Variants in PACSIN1 observed in about 807,000 individuals in gnomAD.
PACSIN1 encodes protein kinase C and casein kinase substrate in neurons 1.
Under a neutral mutation model 59.5 loss-of-function variants are expected in PACSIN1, and 15 were observed. The observed-to-expected ratio is 0.25, with a 90% CI of 0.17 to 0.39. The LOEUF is 0.39. Ranked by LOEUF, PACSIN1 falls within the 10% of genes least tolerant of loss-of-function variation. The probability of loss-of-function intolerance (pLI) is 1.00; values close to 1 mark genes in which losing one functional copy is unlikely to be tolerated. For missense variants in PACSIN1, 420 were observed against 580.2 expected (o/e 0.72, Z 2.84); for synonymous variants, 210 against 220.6 (o/e 0.95, Z 0.42).
At chr6:34,482,055 C>G (rs1766726870) in intron 1 of PACSIN1, among the ~76,000 whole-genome samples, 6 of 152,092 alleles carry the variant, frequency 3.9e-5, no homozygotes, top group Admixed American at 3.9e-4. Context: ...CCTTTTGTGA[C>G]TGGCTTCTTT....
At chr6:34,499,898 G>A (rs964312955) in intron 1 of PACSIN1, among the ~76,000 whole-genome samples, 1 of 151,850 alleles carries the variant, frequency 6.6e-6, no homozygotes, top group Non-Finnish European at 1.5e-5. Flanking sequence ...GCAACAAAAG[G>A]AAAAAAATAA....
rs779955809 is a variant in PACSIN1, at chr6:34,529,855, G to T, written c.788+14G>T. On this transcript the variant is annotated intron_variant, in intron 6 of 9. Coordinates refer to ENST00000244458, the MANE Select transcript of PACSIN1 (RefSeq NM_020804.5). This position sits in a 1 kb window ranked among gnomAD's most constrained non-coding sequence, Gnocchi z 6.3. ...TGAGAACAGCAGGTACCTGGGCATG[G>T]CAGGCACCGAGGGCACAGGCACAGC... 4 of 1,610,640 alleles carry T rather than the reference G, an allele frequency of 2.5e-6. No individual in the cohort carries two copies. In the East Asian group the frequency reaches 8.9e-5, roughly 36 times the overall value.
intron 1 of PACSIN1, among the ~76,000 whole-genome samples, chr6:34,501,269 C>T (rs936685841): frequency 5.9e-5 from 9 of 152,166 alleles, no homozygotes; most frequent in East Asian, 3.8e-4. Flanking sequence ...AATTACTTAG[C>T]GTGTATAGTT....
At chr6:34,517,971 G>A (rs1163748343) in intron 1 of PACSIN1, among the ~76,000 whole-genome samples, 1 of 152,230 alleles carries the variant, frequency 6.6e-6, no homozygotes, top group Non-Finnish European at 1.5e-5. Context: ...CTCAGCATCT[G>A]TGCTGTCGTG....
At chr6:34,477,088 A>G (rs1011230084) in intron 1 of PACSIN1, among the ~76,000 whole-genome samples, 8 of 152,210 alleles carry the variant, frequency 5.3e-5, no homozygotes, top group African/African-American at 1.9e-4. Context: ...ACTCTGTTCC[A>G]AACCTCAGCC....
intron 1 of PACSIN1, among the ~76,000 whole-genome samples, chr6:34,494,593 C>A (rs1258294667): frequency 4.0e-5 from 6 of 151,184 alleles, no homozygotes; most frequent in Non-Finnish European, 7.4e-5. Flanking sequence ...CAGTTGTGCA[C>A]CCCCCATGCC....
In PACSIN1 at chr6:34,522,032, G is replaced by T. The variant is rs146261699; in HGVS notation, c.-63-4211G>T. ...GCGCGATCTTGGCTTACCTCTCTGA[G>T]TCTTGGTCTCCGCAAGAAGAAAAAG... On this transcript the variant is annotated intron_variant, in intron 1 of 9. Transcript: ENST00000244458. Among the ~76,000 whole-genome samples, 334 of 152,318 alleles carry T rather than the reference G, an allele frequency of 2.2e-3. 1 individual carries two copies. The highest frequency in any genetic ancestry group is 0.01 in the Middle Eastern group (3 of 294).
At chr6:34,528,338 C>G (rs1025897423) in intron 3 of PACSIN1, among the ~76,000 whole-genome samples, 1 of 152,238 alleles carries the variant, frequency 6.6e-6, no homozygotes, top group African/African-American at 2.4e-5. Flanking sequence ...GGCTGCCCCC[C>G]TCCGACCCCA....
chr6:34,507,010 C>A (rs1049881845), intron 1 of PACSIN1, among the ~76,000 whole-genome samples: 6 of 152,146 alleles, frequency 3.9e-5, no homozygotes, highest in African/African-American at 9.7e-5. Context: ...GTAGTTTCTT[C>A]CATGGTGTTT....
chr6:34,522,813 C>A (rs2127270772), intron 1 of PACSIN1, among the ~76,000 whole-genome samples: 1 of 152,342 alleles, frequency 6.6e-6, no homozygotes, highest in South Asian at 2.1e-4. Context: ...AGTCCAAAGG[C>A]CACAGAACCT....
At chr6:34,519,556 G>GAGGGGAGA (rs1302313369) in intron 1 of PACSIN1, among the ~76,000 whole-genome samples, 1 of 152,152 alleles carries the variant, frequency 6.6e-6, no homozygotes, top group African/African-American at 2.4e-5. Context: ...ATTAGCTGAG[G>GAGGGGAGA]AGGGGAGAAG....
intron 1 of PACSIN1, 29 bp from the exon 2 acceptor site, chr6:34,526,214 C>A: frequency 9.2e-7 from 1 of 1,086,234 alleles, no homozygotes. Context: ...CTTCCCTCAT[C>A]TCCAGGGATC....
intron 1 of PACSIN1, among the ~76,000 whole-genome samples, chr6:34,469,427 A>G (rs570707923): frequency 2.9e-4 from 44 of 151,858 alleles, no homozygotes; most frequent in African/African-American, 1.0e-3. Flanking sequence ...CTTGGCGGGC[A>G]GGTCAGGGTC....
At chr6:34,499,965 T>G (rs1767001166) in intron 1 of PACSIN1, among the ~76,000 whole-genome samples, 1 of 152,050 alleles carries the variant, frequency 6.6e-6, no homozygotes, top group South Asian at 2.1e-4. Context: ...ATCAAAAGGG[T>G]GAAAAGCAGC....
chr6:34,483,453 C>T (rs951775092), intron 1 of PACSIN1, among the ~76,000 whole-genome samples: 2 of 152,034 alleles, frequency 1.3e-5, no homozygotes, highest in Non-Finnish European at 2.9e-5. Context: ...GAGTGGCTTG[C>T]GCAGGGCCAC....
rs200383913 is a variant in PACSIN1 at position 34,470,934 on chromosome 6, TTTTTA to T, written c.-64+4678_-64+4682del. Reference sequence around the variant, plus strand: ...TTCAGATTTAACTAGGTGTCCTGAATTTTTATTTTATTTTATTTATTTATTTTTGA... The same window carrying T: ...TTCAGATTTAACTAGGTGTCCTGAATTTTTATTTTATTTATTTATTTTTGA... On this transcript the variant is annotated intron_variant, in intron 1 of 9. Coordinates refer to ENST00000244458, the MANE Select transcript of PACSIN1 (RefSeq NM_020804.5). 6.9e-4 allele frequency among the ~76,000 whole-genome samples: 105 copies of T among 152,294 alleles called. No homozygotes were observed. In the East Asian group the frequency reaches 0.02, roughly 29 times the overall value.
At chr6:34,507,887 T>C (rs1377329503) in intron 1 of PACSIN1, among the ~76,000 whole-genome samples, 1 of 152,236 alleles carries the variant, frequency 6.6e-6, no homozygotes, top group Non-Finnish European at 1.5e-5. Flanking sequence ...AGGATTTCCT[T>C]TTTTAAGGCT....
At chr6:34,520,998 A>G (rs1479113114) in intron 1 of PACSIN1, among the ~76,000 whole-genome samples, 1 of 152,126 alleles carries the variant, frequency 6.6e-6, no homozygotes, top group Non-Finnish European at 1.5e-5. Context: ...TTATTAAGTG[A>G]ATGTTAGAAG....
chr6:34,516,171 G>T lies in PACSIN1; in HGVS notation c.-63-10072G>T, dbSNP rs933566081. On this transcript the variant is annotated intron_variant, in intron 1 of 9. Coordinates refer to ENST00000244458, the MANE Select transcript of PACSIN1 (RefSeq NM_020804.5). The surrounding 1 kb of genome is among the most constrained non-coding windows in gnomAD (Gnocchi z 5.4). ...GAGAGCCCAGCTGGGTCTTTCACTG[G>T]ACCACAGTGTGGGGTGTCCCCTTCC... Among the ~76,000 whole-genome samples the T allele has an allele frequency of 3.3e-5, 5 of 152,152 alleles. No individual in the cohort carries two copies. Among genetic ancestry groups the T allele is most frequent in the Admixed American group, 2.0e-4 (3 of 15,288 alleles).
Sources: gnomAD v4.1 joint callset for allele counts (sites outside exome capture counted in the v4.1 genomes callset) on GRCh38, gnomAD v4.1.1 for gene constraint, Gnocchi (gnomAD v3.1) non-coding constraint, MANE v1.5 for transcripts, NCBI Gene and HGNC (gene_info 2026-07-23, HGNC 2026-07-21) for gene names.